GOLM2: variants seen among roughly 807,000 people sequenced by gnomAD.
GOLM2 encodes golgi membrane protein 2.
A neutral mutation model predicts 55.9 loss-of-function variants in GOLM2; 26 were observed. The observed-to-expected ratio is 0.47, with a 90% confidence interval of 0.34 to 0.65. The LOEUF (loss-of-function observed/expected upper bound fraction) is 0.65. GOLM2 is among the 30% of genes least tolerant of loss of function. GOLM2 has a pLI of 0.01. For synonymous variants in GOLM2, 165 were observed against 194.6 expected, an observed-to-expected ratio of 0.85 and a Z score of 1.27; for missense variants, 486 against 531.8, an observed-to-expected ratio of 0.91 and a Z score of 0.85.
intron 6 of GOLM2, among the ~76,000 whole-genome samples, chr15:44,350,152 ATGAAAT>A (rs1337222867): frequency 7.9e-5 from 12 of 152,160 alleles, no homozygotes; most frequent in Non-Finnish European, 1.2e-4. Context: ...GCAGACATAA[ATGAAAT>A]TGAAATGAAG....
chr15:44,309,711 C>G (rs967463984), intron 1 of GOLM2, among the ~76,000 whole-genome samples: 6 of 152,162 alleles, frequency 3.9e-5, no homozygotes, highest in African/African-American at 1.4e-4. Flanking sequence ...CACTTTATCT[C>G]TGGCATAAAC....
intron 2 of GOLM2, among the ~76,000 whole-genome samples, chr15:44,324,806 A>T (rs1411276581): frequency 6.6e-6 from 1 of 151,732 alleles, no homozygotes; most frequent in African/African-American, 2.4e-5. Flanking sequence ...CCTATCCCTA[A>T]TCTTTTGAAG....
chr15:44,380,662 CT>C, intron 7 of GOLM2, 143 bp from the exon 8 acceptor site: 79 of 508,884 alleles, frequency 1.6e-4, no homozygotes, highest in Middle Eastern at 5.7e-4. Context: ...GAGAATAAAC[CT>C]TTAAAAAAAA....
chr15:44,378,526 T>G (rs955626107), intron 6 of GOLM2, among the ~76,000 whole-genome samples: 1 of 150,350 alleles, frequency 6.7e-6, no homozygotes, highest in Non-Finnish European at 1.5e-5. Flanking sequence ...CCCGGCTAAT[T>G]TTTTGTATTT....
chr15:44,392,309 C>G (rs1434163747), intron 8 of GOLM2, among the ~76,000 whole-genome samples: 2 of 151,980 alleles, frequency 1.3e-5, no homozygotes, highest in Admixed American at 6.6e-5. Context: ...AGCAGTTTCT[C>G]TTATTAATAT....
chr15:44,379,136 T>G (rs1448845046), intron 6 of GOLM2, among the ~76,000 whole-genome samples: 1 of 152,146 alleles, frequency 6.6e-6, no homozygotes, highest in Non-Finnish European at 1.5e-5. Context: ...GAAGACAGTT[T>G]GTACTGTCAT....
chr15:44,358,226 C>T (rs112148874), intron 6 of GOLM2, among the ~76,000 whole-genome samples: 6,072 of 152,174 alleles, frequency 0.04, 158 homozygotes, highest in Non-Finnish European at 0.061. Context: ...TGGTGGCGCA[C>T]ATCCGTAATC....
intron 8 of GOLM2, among the ~76,000 whole-genome samples, chr15:44,383,070 T>C (rs1490743243): frequency 6.6e-6 from 1 of 151,220 alleles, no homozygotes; most frequent in East Asian, 1.9e-4. Context: ...ACATTCCTTT[T>C]TACTTAATTT....
intron 1 of GOLM2, among the ~76,000 whole-genome samples, chr15:44,300,711 G>A (rs936319673): frequency 6.6e-6 from 1 of 152,132 alleles, no homozygotes; most frequent in Non-Finnish European, 1.5e-5. Flanking sequence ...ACAATTTTTG[G>A]TTGAAGACCT....
intron 1 of GOLM2, among the ~76,000 whole-genome samples, chr15:44,317,688 A>G (rs1297653512): frequency 2.0e-5 from 3 of 152,104 alleles, no homozygotes; most frequent in Admixed American, 6.6e-5. Flanking sequence ...CCCGAGCTCC[A>G]TATGTCCAAC....
intron 1 of GOLM2, among the ~76,000 whole-genome samples, chr15:44,321,592 A>G (rs1460685995): frequency 6.6e-6 from 1 of 152,150 alleles, no homozygotes; most frequent in African/African-American, 2.4e-5. Context: ...AAAATGACAT[A>G]GAGCTATACA....
intron 6 of GOLM2, among the ~76,000 whole-genome samples, chr15:44,370,424 G>T (rs1035971435): frequency 7.2e-5 from 11 of 152,102 alleles, no homozygotes; most frequent in Non-Finnish European, 1.6e-4. Flanking sequence ...TTAGTCTAGT[G>T]TGGTGATGTG....
intron 8 of GOLM2, among the ~76,000 whole-genome samples, chr15:44,392,609 G>A (rs565967384): frequency 2.7e-5 from 4 of 148,606 alleles, no homozygotes; most frequent in South Asian, 2.1e-4. Flanking sequence ...GTGACAAAGC[G>A]AGACTCGGTC....
chr15:44,330,657 G>A (rs1264226826), intron 3 of GOLM2, among the ~76,000 whole-genome samples: 2 of 152,080 alleles, frequency 1.3e-5, no homozygotes, highest in Non-Finnish European at 2.9e-5. Context: ...CTTGAGCCCA[G>A]GAGGTTGAGG....
At chr15:44,332,230 A>T in intron 4 of GOLM2, 152 bp downstream of exon 4, 1 of 537,618 alleles carries the variant, frequency 1.9e-6, no homozygotes, top group East Asian at 3.4e-5. Context: ...TTTATTTCTG[A>T]GTAAATTAAA....
chr15:44,338,031 T>C, intron 5 of GOLM2, 124 bp downstream of exon 5: 1 of 1,029,918 alleles, frequency 9.7e-7, no homozygotes, highest in East Asian at 2.6e-5. Flanking sequence ...TGATTAAGTG[T>C]CTGCATTGTT....
rs2078921425 is a variant in GOLM2 at position 44,317,830 on chromosome 15, A to G, written c.328-5135A>G. Among the ~76,000 whole-genome samples, 4 of 152,196 alleles carry G rather than the reference A, an allele frequency of 2.6e-5. No individual in the cohort carries two copies. In the South Asian group the frequency reaches 8.3e-4, roughly 32 times the overall value. The stretch of plus-strand genomic sequence containing the variant: ...TCCTCTTCCTGTGTTTCCCTATTAC[A>G]GAAAATTATATTCTTACTCATCTAG... On this transcript the variant is annotated intron_variant, in intron 1 of 9. Coordinates refer to ENST00000299957, the MANE Select transcript of GOLM2 (RefSeq NM_138423.4).
intron 6 of GOLM2, among the ~76,000 whole-genome samples, chr15:44,354,191 C>A (rs1296041430): frequency 1.3e-5 from 2 of 151,364 alleles, no homozygotes; most frequent in Non-Finnish European, 2.9e-5. Context: ...GGGACTCATT[C>A]TTCTCAAGCT....
At chr15:44,322,279 A>C (rs1230577357) in intron 1 of GOLM2, among the ~76,000 whole-genome samples, 3 of 152,164 alleles carry the variant, frequency 2.0e-5, no homozygotes, top group Non-Finnish European at 4.4e-5. Context: ...AGGCAGCAGA[A>C]TATCTTGAAC....
Sources: gnomAD v4.1 joint callset for allele counts (sites outside exome capture counted in the v4.1 genomes callset) on GRCh38, gnomAD v4.1.1 for gene constraint, MANE v1.5 for transcripts, NCBI Gene and HGNC (gene_info 2026-07-23, HGNC 2026-07-21) for gene names.